The following AP2B1 variants were observed in gnomAD, a reference collection of about 807,000 sequenced individuals.
AP2B1 encodes AP-2 complex subunit beta.
A neutral mutation model predicts 102.0 loss-of-function variants in AP2B1; 23 were observed. The ratio of observed to expected loss-of-function variants is 0.23; its 90% CI spans 0.16 to 0.32. The LOEUF (loss-of-function observed/expected upper bound fraction) is 0.32. Ranked by LOEUF, AP2B1 falls within the 10% of genes least tolerant of loss-of-function variation. The pLI is 1.00. For missense variants in AP2B1, 541 were observed against 1,157.4 expected (o/e 0.47, Z 7.73); for synonymous variants, 381 against 421.2 (o/e 0.90, Z 1.17).
rs563084082 is a variant in AP2B1 at position 35,610,125 on chromosome 17, A to G, written c.525+1738A>G. Among the ~76,000 whole-genome samples, 5 of 143,982 alleles carry G rather than the reference A, an allele frequency of 3.5e-5. No individual in the cohort carries two copies. In the South Asian group the frequency reaches 1.1e-3, roughly 32 times the overall value. 94.5% of individuals were successfully genotyped at this position (143,982 alleles called of 152,430 possible). A position where few individuals can be genotyped will look rare whatever the true frequency, so the allele number is the denominator to read the frequency against. The stretch of plus-strand genomic sequence containing the variant: ...CTGCCTTTTATTTCCCCTAAGTAAC[A>G]CCATATGGTACCTTTTATTTATTTT... On this transcript the variant is annotated intron_variant, in intron 5 of 21. Coordinates refer to ENST00000610402, the MANE Select transcript of AP2B1 (RefSeq NM_001030006.2).
Position 35,625,400 on chromosome 17 carries a change from C to G in AP2B1, c.716+813C>G, listed in dbSNP as rs971273410. On this transcript the variant is annotated intron_variant, in intron 6 of 21. Coordinates refer to ENST00000610402, the MANE Select transcript of AP2B1 (RefSeq NM_001030006.2). ...TCCCTCTGGACTGAACTAAAGCTCA[C>G]TCTGATAGTTTCTTTCCATCACTGA... Among the ~76,000 whole-genome samples the G allele has an allele frequency of 2.0e-5, 3 of 152,204 alleles. No homozygotes were observed. In the East Asian group the frequency reaches 5.8e-4, roughly 29 times the overall value.
At chr17:35,630,031 A>G (rs2074419909) in intron 9 of AP2B1, among the ~76,000 whole-genome samples, 1 of 152,236 alleles carries the variant, frequency 6.6e-6, no homozygotes, top group South Asian at 2.1e-4. Context: ...GGATTGGACC[A>G]TATGATTTCT....
At chr17:35,717,801 C>T (rs2085222777) in intron 21 of AP2B1, among the ~76,000 whole-genome samples, 1 of 152,126 alleles carries the variant, frequency 6.6e-6, no homozygotes, top group South Asian at 2.1e-4. Context: ...CATTGTATGA[C>T]CTGAAATGCT....
chr17:35,657,275 A>G (rs567563280), intron 13 of AP2B1, among the ~76,000 whole-genome samples: 10 of 152,274 alleles, frequency 6.6e-5, no homozygotes, highest in Middle Eastern at 3.4e-3. Context: ...GGAACCATAT[A>G]TTTTACAGTT....
chr17:35,656,560 G>A (rs1488864020), intron 13 of AP2B1, among the ~76,000 whole-genome samples: 2 of 152,098 alleles, frequency 1.3e-5, no homozygotes, highest in Admixed American at 1.3e-4. Context: ...TCTGTTCTTT[G>A]TTCAAGAAAT....
intron 17 of AP2B1, among the ~76,000 whole-genome samples, chr17:35,680,676 T>C (rs1266232173): frequency 6.7e-6 from 1 of 148,198 alleles, no homozygotes; most frequent in Admixed American, 6.8e-5. Flanking sequence ...ATGCCCAGTC[T>C]ATGGTTTTGG....
At chr17:35,648,620 A>G (rs1385933969) in intron 12 of AP2B1, among the ~76,000 whole-genome samples, 1 of 152,206 alleles carries the variant, frequency 6.6e-6, no homozygotes, top group Non-Finnish European at 1.5e-5. Context: ...AATGTCCCTC[A>G]ATAGTGGACT....
At chr17:35,638,066 C>G (rs953054494) in intron 10 of AP2B1, among the ~76,000 whole-genome samples, 3 of 152,114 alleles carry the variant, frequency 2.0e-5, no homozygotes, top group Non-Finnish European at 4.4e-5. Flanking sequence ...ACACATACTC[C>G]TGGGCTTAAG....
intron 20 of AP2B1, among the ~76,000 whole-genome samples, chr17:35,715,781 A>G (rs782550868): frequency 2.6e-5 from 4 of 152,224 alleles, no homozygotes; most frequent in Non-Finnish European, 5.9e-5. Context: ...AAATAGAGCC[A>G]TTTCTTAACT....
chr17:35,676,486 G>A (rs1160236935), intron 17 of AP2B1, among the ~76,000 whole-genome samples: 1 of 152,168 alleles, frequency 6.6e-6, no homozygotes, highest in Non-Finnish European at 1.5e-5. Context: ...CTCCATTGAT[G>A]AATATACAGT....
Position 35,620,289 on chromosome 17 carries a change from T to C in AP2B1, c.526-4108T>C, listed in dbSNP as rs1003685700. Among the ~76,000 whole-genome samples, 4 of 151,758 alleles carry C rather than the reference T, an allele frequency of 2.6e-5. No homozygotes were observed. The South Asian group carries it at 6.2e-4, about 24-fold the overall frequency. On this transcript the variant is annotated intron_variant, in intron 5 of 21. Coordinates refer to ENST00000610402, the MANE Select transcript of AP2B1 (RefSeq NM_001030006.2). ...TGAGGCCAGGAATTTGAGACCAGCC[T>C]GGACAACATAGTGAGACCCCTGTCT... is the stretch of plus-strand genomic sequence containing the variant.
intron 14 of AP2B1, chr17:35,659,934 G>A: frequency 2.0e-6 from 2 of 985,378 alleles, no homozygotes; most frequent in Non-Finnish European, 2.4e-6. Flanking sequence ...AACATCACAA[G>A]GAAGACCTAA....
chr17:35,628,068 C>T (rs929760510), intron 9 of AP2B1, among the ~76,000 whole-genome samples: 4 of 152,140 alleles, frequency 2.6e-5, no homozygotes, highest in African/African-American at 9.7e-5. Flanking sequence ...TGAACATGTA[C>T]AGACCTTTTT....
intron 13 of AP2B1, among the ~76,000 whole-genome samples, chr17:35,653,853 C>G (rs2075151080): frequency 6.6e-6 from 1 of 152,134 alleles, no homozygotes; most frequent in Non-Finnish European, 1.5e-5. Context: ...GTGCCCAGCC[C>G]AGTCCCTTGT....
At chr17:35,707,263 C>A (rs587719806) in intron 18 of AP2B1, among the ~76,000 whole-genome samples, 10 of 152,088 alleles carry the variant, frequency 6.6e-5, no homozygotes, top group Non-Finnish European at 1.2e-4. Context: ...AGCGATTCTT[C>A]TGCCTCAGCC....
At chr17:35,660,138 G>C in intron 14 of AP2B1, 16 of 939,212 alleles carry the variant, frequency 1.7e-5, no homozygotes, top group Non-Finnish European at 2.0e-5. Flanking sequence ...TACAAGAGAG[G>C]GTTTGTTTTG....
At chr17:35,674,448 A>T (rs544141908) in intron 17 of AP2B1, 127 bp downstream of exon 17, 1 of 1,169,346 alleles carries the variant, frequency 8.6e-7, no homozygotes, top group African/African-American at 1.5e-5. Flanking sequence ...TCATGCCTAT[A>T]ATCCCAGCAT....
intron 5 of AP2B1, among the ~76,000 whole-genome samples, chr17:35,612,914 G>A (rs896317886): frequency 6.7e-6 from 1 of 148,228 alleles, no homozygotes; most frequent in African/African-American, 2.5e-5. Context: ...ACACAGAACT[G>A]CTTCATTTTC....
chr17:35,691,253 GTA>G (rs1212772634), intron 18 of AP2B1, among the ~76,000 whole-genome samples: 1 of 152,122 alleles, frequency 6.6e-6, no homozygotes, highest in Non-Finnish European at 1.5e-5. Context: ...AATTTTGCTG[GTA>G]TATGGCTCTG....
Sources: allele counts gnomAD v4.1 joint callset (sites outside exome capture counted in the v4.1 genomes callset), GRCh38; gene constraint gnomAD v4.1.1; transcripts MANE v1.5; gene names NCBI Gene and HGNC (gene_info 2026-07-23, HGNC 2026-07-21).